Variants in PODN observed in about 807,000 individuals in gnomAD.
PODN encodes the protein podocan proteoglycan.
A neutral mutation model predicts 52.7 loss-of-function variants in PODN; 40 were observed. That is an observed-to-expected ratio of 0.76 (90% CI 0.59 to 0.99). The LOEUF (loss-of-function observed/expected upper bound fraction) is 0.99. Among genes scored for constraint, PODN ranks in the 50% least tolerant of loss-of-function variants. The pLI is 0.00. For synonymous variants in PODN, 396 were observed against 377.9 expected (o/e 1.05, Z -0.56); for missense variants, 720 against 815.1 (o/e 0.88, Z 1.42).
At chr1:53,070,920 T>A (rs978731565) in intron 2 of PODN, 9 of 152,686 alleles carry the variant, frequency 5.9e-5, no homozygotes, top group African/African-American at 2.2e-4. Flanking sequence ...GCGCCTGCAC[T>A]GGGCCTCTGG....
chr1:53,066,897 C>T, intron 1 of PODN: 2 of 1,538,540 alleles, frequency 1.3e-6, no homozygotes, highest in South Asian at 2.4e-5. Flanking sequence ...GAGACCAGAG[C>T]TCCTTCCCCT....
intron 9 of PODN, among the ~76,000 whole-genome samples, chr1:53,081,205 G>C (rs1237488822): frequency 6.6e-6 from 1 of 152,206 alleles, no homozygotes; most frequent in African/African-American, 2.4e-5. Context: ...ATCCAGGCTG[G>C]GTCCGGGCCT....
intron 1 of PODN, chr1:53,067,005 T>C: frequency 1.3e-6 from 1 of 795,240 alleles, no homozygotes; most frequent in Non-Finnish European, 2.0e-6. Context: ...TGGGGTCAGA[T>C]GGGCAAGTGG....
chr1:53,062,327 C>A lies in PODN; in HGVS notation c.-56+19C>A. The A allele has an allele frequency of 8.0e-7, 1 of 1,242,862 alleles. No individual in the cohort carries two copies. Among genetic ancestry groups the A allele is most frequent in the South Asian group, 4.1e-5 (1 of 24,318 alleles). 77.0% of individuals were successfully genotyped at this position (1,242,862 alleles called of 1,614,324 possible). ...GCAGCAGGTACAGGGCGCTGGCAGCCGGGGTGGGCCGAGGGGCCGGGGGCT... is the reference window on the plus strand; with the variant it reads ...GCAGCAGGTACAGGGCGCTGGCAGCAGGGGTGGGCCGAGGGGCCGGGGGCT... On this transcript the variant is annotated intron_variant, in intron 1 of 10. Transcript: ENST00000312553.
chr1:53,077,580 G>A, intron 6 of PODN, 105 bp from the exon 7 acceptor site: 2 of 1,231,472 alleles, frequency 1.6e-6, no homozygotes, highest in Non-Finnish European at 2.3e-6. Flanking sequence ...AGGTCTGGGT[G>A]CCTTCCTGGT....
rs542013445 is a variant in PODN at position 53,082,185 on chromosome 1, C to T, written c.*24C>T. The T allele has an allele frequency of 1.1e-5, 17 of 1,569,190 alleles. No homozygotes were observed. In the South Asian group the frequency reaches 1.9e-4, roughly 18 times the overall value. On this transcript the variant is annotated 3_prime_UTR_variant, in exon 10 of 11. Coordinates refer to ENST00000312553, the MANE Select transcript of PODN (RefSeq NM_153703.5). ...AGTGACAAGGTGATGCAGATGTGAC[C>T]TAGGTATGTGGCCTGTATGGGGCAG...
intron 1 of PODN, among the ~76,000 whole-genome samples, chr1:53,067,583 C>A (rs1375465761): frequency 6.6e-6 from 1 of 152,170 alleles, no homozygotes; most frequent in Non-Finnish European, 1.5e-5. Context: ...ATGTCTGCAA[C>A]ATCTTCTGGG....
chr1:53,069,024 G>C (rs1399303173), intron 1 of PODN, among the ~76,000 whole-genome samples: 2 of 152,148 alleles, frequency 1.3e-5, no homozygotes, highest in African/African-American at 2.4e-5. Flanking sequence ...TCCTTTCTCT[G>C]TGCTGGGCTC....
At chr1:53,065,336 A>G (rs896055071) in intron 1 of PODN, among the ~76,000 whole-genome samples, 1 of 151,700 alleles carries the variant, frequency 6.6e-6, no homozygotes, top group African/African-American at 2.4e-5. Flanking sequence ...AGCCTGGGTA[A>G]CAGAGGGAGA....
Position 53,081,855 on chromosome 1 carries a change from G to A in PODN, c.1662-126G>A, listed in dbSNP as rs182546202. 4.6e-4 allele frequency: 654 copies of A among 1,417,184 alleles called. 2 individuals are homozygous for A. The African/African-American group carries it at 7.8e-3, about 17-fold the overall frequency. 87.8% of individuals were successfully genotyped at this position (1,417,184 alleles called of 1,614,324 possible). On this transcript the variant is annotated intron_variant, in intron 9 of 10. Coordinates refer to ENST00000312553, the MANE Select transcript of PODN (RefSeq NM_153703.5). ...GCGCTCTCAGCCCCTGGCCTTTCCCGCCTGCTGCACCACTTTCCGGGAGGG... is the reference window on the plus strand; with the variant it reads ...GCGCTCTCAGCCCCTGGCCTTTCCCACCTGCTGCACCACTTTCCGGGAGGG...
At chr1:53,077,656 A>T (rs779806901) in intron 6 of PODN, 29 bp from the exon 7 acceptor site, 11 of 1,588,728 alleles carry the variant, frequency 6.9e-6, no homozygotes, top group Non-Finnish European at 9.4e-6. Flanking sequence ...CCTCCCTCAC[A>T]ATCTCCTCCC....
intron 7 of PODN, 51 bp downstream of exon 7, chr1:53,077,851 C>T: frequency 6.6e-7 from 1 of 1,503,766 alleles, no homozygotes. Flanking sequence ...GCCCGGGAAG[C>T]TCCTTCAGGG....
At chr1:53,062,905 G>A (rs1643978715) in intron 1 of PODN, among the ~76,000 whole-genome samples, 1 of 152,262 alleles carries the variant, frequency 6.6e-6, no homozygotes, top group South Asian at 2.1e-4. Context: ...CCAACCACTA[G>A]TTGAGCTAAA....
chr1:53,066,326 T>G (rs1644032709), intron 1 of PODN, among the ~76,000 whole-genome samples: 1 of 152,294 alleles, frequency 6.6e-6, no homozygotes, highest in East Asian at 1.9e-4. Flanking sequence ...AAAATGAAAC[T>G]GGTAACATTT....
intron 7 of PODN, 62 bp downstream of exon 7, chr1:53,077,862 C>T: frequency 7.1e-7 from 1 of 1,401,848 alleles, no homozygotes; most frequent in South Asian, 1.2e-5. Flanking sequence ...TCCTTCAGGG[C>T]CAACCATCCA....
At chr1:53,075,474 T>C (rs889544410) in intron 4 of PODN, among the ~76,000 whole-genome samples, 4 of 152,180 alleles carry the variant, frequency 2.6e-5, no homozygotes, top group African/African-American at 9.7e-5. Flanking sequence ...ATCCCTCACC[T>C]GGACGCTTGC....
chr1:53,069,660 G>A (rs797021296), intron 1 of PODN, 141 bp from the exon 2 acceptor site: 2 of 1,263,298 alleles, frequency 1.6e-6, no homozygotes, highest in African/African-American at 3.1e-5. Context: ...GGGCAGCCTG[G>A]TGGGGGTTGG....
intron 4 of PODN, among the ~76,000 whole-genome samples, chr1:53,075,533 C>G (rs1359263575): frequency 1.3e-5 from 2 of 152,234 alleles, no homozygotes; most frequent in East Asian, 3.9e-4. Context: ...ACCTTGAAGT[C>G]ACACCCATCG....
chr1:53,078,158 T>C (rs1256303713), intron 7 of PODN, among the ~76,000 whole-genome samples: 1 of 152,194 alleles, frequency 6.6e-6, no homozygotes, highest in Non-Finnish European at 1.5e-5. Context: ...TCAAGTAAAC[T>C]CCTGTGTGTC....
Sources: gnomAD v4.1 joint callset for allele counts (sites outside exome capture counted in the v4.1 genomes callset) on GRCh38, gnomAD v4.1.1 for gene constraint, MANE v1.5 for transcripts, NCBI Gene and HGNC (gene_info 2026-07-23, HGNC 2026-07-21) for gene names.